The following STIM1 variants were observed in gnomAD, a reference collection of about 807,000 sequenced individuals.
STIM1 encodes stromal interaction molecule 1.
In STIM1, 25 loss-of-function variants were observed where a neutral mutation model predicts 74.7. That is an observed-to-expected ratio of 0.33 (90% CI 0.24 to 0.47). The LOEUF (loss-of-function observed/expected upper bound fraction) is 0.47, where lower values mean the gene tolerates loss of function less well. Among genes scored for constraint, STIM1 ranks in the 20% least tolerant of loss-of-function variants. The pLI, the probability that STIM1 is intolerant of heterozygous loss-of-function variation, is 1.00. For synonymous variants in STIM1, 328 were observed against 348.8 expected (o/e 0.94, Z 0.66); for missense variants, 728 against 920.8 (o/e 0.79, Z 2.71).
intron 2 of STIM1, among the ~76,000 whole-genome samples, chr11:4,014,145 G>A (rs982864055): frequency 6.6e-6 from 1 of 152,124 alleles, no homozygotes; most frequent in Admixed American, 6.6e-5. Context: ...TGATGTTAGG[G>A]TGTCGATTTT....
At chr11:4,022,313 G>A (rs1260857810) in intron 2 of STIM1, among the ~76,000 whole-genome samples, 3 of 142,284 alleles carry the variant, frequency 2.1e-5, no homozygotes, top group Non-Finnish European at 4.5e-5. Context: ...TGCAGCCTGG[G>A]TGACAGAATA....
At position 4,092,863 on chromosome 11, in the gene STIM1, C is replaced by T. The variant is rs574406338; in HGVS notation, c.*1065C>T. ...GTTACTTTGTAGCCTTGGCCAGAGG[C>T]TCAAAAAGGACACAACCAGTTTGGG... On this transcript the variant is annotated 3_prime_UTR_variant, in exon 13 of 13. Transcript: ENST00000526596. 6.6e-6 allele frequency: 1 copy of T among 152,362 alleles called. No homozygotes were observed. The highest frequency in any genetic ancestry group is 2.1e-4 in the South Asian group (1 of 4,822). 9.4% of individuals were successfully genotyped at this position (152,362 alleles called of 1,614,324 possible).
intron 1 of STIM1, among the ~76,000 whole-genome samples, chr11:3,956,875 G>T (rs1221364854): frequency 7.1e-6 from 1 of 141,838 alleles, no homozygotes; most frequent in Non-Finnish European, 1.5e-5. Context: ...AACCTACCTT[G>T]CAAATTAGGG....
intron 5 of STIM1, among the ~76,000 whole-genome samples, chr11:4,062,986 G>A (rs1389648487): frequency 6.6e-6 from 1 of 152,100 alleles, no homozygotes; most frequent in Non-Finnish European, 1.5e-5. Context: ...AACATGCCAA[G>A]TAAAAGAAGC....
chr11:4,023,808 G>A (rs1259122785), intron 2 of STIM1, 65 bp from the exon 3 acceptor site: 26 of 1,232,898 alleles, frequency 2.1e-5, no homozygotes, highest in Non-Finnish European at 2.9e-5. Context: ...CAGGTGACCT[G>A]TGTGGAGATC....
intron 2 of STIM1, chr11:3,989,166 C>A: frequency 8.6e-7 from 1 of 1,166,808 alleles, no homozygotes; most frequent in Non-Finnish European, 1.3e-6. Flanking sequence ...ATTATTCAGA[C>A]TTGGCTTCCT....
chr11:4,039,693 A>G (rs1352091057), intron 3 of STIM1, among the ~76,000 whole-genome samples: 1 of 152,018 alleles, frequency 6.6e-6, no homozygotes, highest in African/African-American at 2.4e-5. Flanking sequence ...TCCATCTGTA[A>G]TCTCAAAATG....
At chr11:3,857,283 G>A (rs969999013) in intron 1 of STIM1, among the ~76,000 whole-genome samples, 1 of 151,632 alleles carries the variant, frequency 6.6e-6, no homozygotes, top group African/African-American at 2.4e-5. Context: ...ACAGGGTCTT[G>A]ATCTGTCGTC....
chr11:4,084,915 G>A (rs555623397), intron 11 of STIM1, 150 bp downstream of exon 11: 15 of 539,546 alleles, frequency 2.8e-5, no homozygotes, highest in Non-Finnish European at 4.5e-5. Context: ...TACAGGGAGG[G>A]GTTCGGGGGT....
intron 7 of STIM1, among the ~76,000 whole-genome samples, chr11:4,081,400 G>A (rs1437112331): frequency 6.6e-6 from 1 of 152,228 alleles, no homozygotes; most frequent in African/African-American, 2.4e-5. Context: ...CTTGGCTTCT[G>A]TTGGCAATGC....
chr11:4,091,659 G>A lies in STIM1; in HGVS notation c.2012G>A (p.Arg671Gln), dbSNP rs769001716. The change falls in exon 13 of 13, where the codon CGA (arginine) becomes CAA (glutamine). Residue 671 changes from arginine to glutamine, a missense_variant. By Grantham distance (43) the Arg-to-Gln change is conservative. Coordinates refer to ENST00000526596, the MANE Select transcript of STIM1 (RefSeq NM_001382567.1). ...VGDSRALQAS[R>Q]NTRIPHLAGK... ...GACAGCCGAGCCCTGCAAGCCAGCCGAAACACACGCATTCCCCACCTGGCT... is the reference window on the plus strand; with the variant it reads ...GACAGCCGAGCCCTGCAAGCCAGCCAAAACACACGCATTCCCCACCTGGCT... 13 of 1,614,068 alleles carry A rather than the reference G, an allele frequency of 8.1e-6. No individual in the cohort carries two copies. Among genetic ancestry groups the A allele is most frequent in the Admixed American group, 6.7e-5 (4 of 60,002 alleles).
chr11:3,994,389 A>G (rs908035396), intron 2 of STIM1, among the ~76,000 whole-genome samples: 1 of 150,872 alleles, frequency 6.6e-6, no homozygotes. Flanking sequence ...TTATGGGTAG[A>G]TTAATGTTTT....
chr11:3,989,092 A>C (rs2093584379), intron 2 of STIM1: 1 of 1,394,108 alleles, frequency 7.2e-7, no homozygotes, highest in Non-Finnish European at 9.8e-7. Flanking sequence ...ATAGTTGATA[A>C]AAATATTCCT....
At chr11:3,972,677 T>C (rs1190557004) in intron 2 of STIM1, among the ~76,000 whole-genome samples, 1 of 152,132 alleles carries the variant, frequency 6.6e-6, no homozygotes, top group East Asian at 1.9e-4. Context: ...GTCTAAAACA[T>C]GTCTTCTTTG....
intron 1 of STIM1, among the ~76,000 whole-genome samples, chr11:3,879,423 TCTA>T (rs1278663733): frequency 6.6e-6 from 1 of 152,248 alleles, no homozygotes; most frequent in Admixed American, 6.5e-5. Context: ...CACCTAATTA[TCTA>T]CTGTTTCACT....
chr11:4,029,151 G>A (rs574930159), intron 3 of STIM1, among the ~76,000 whole-genome samples: 4 of 152,032 alleles, frequency 2.6e-5, no homozygotes, highest in Non-Finnish European at 4.4e-5. Flanking sequence ...TCACGCCATG[G>A]CACTCCAGCC....
chr11:3,929,562 A>G (rs1191814416), intron 1 of STIM1, among the ~76,000 whole-genome samples: 1 of 152,188 alleles, frequency 6.6e-6, no homozygotes, highest in Non-Finnish European at 1.5e-5. Flanking sequence ...CTTATAAATC[A>G]GAGCTGGGAC....
intron 2 of STIM1, among the ~76,000 whole-genome samples, chr11:3,979,827 C>T (rs1302537142): frequency 2.6e-5 from 4 of 152,044 alleles, no homozygotes; most frequent in Admixed American, 6.6e-5. Context: ...TGTTTATTTC[C>T]AGTCCCCTTT....
chr11:3,917,092 G>T (rs2092655218), intron 1 of STIM1, among the ~76,000 whole-genome samples: 1 of 152,228 alleles, frequency 6.6e-6, no homozygotes, highest in South Asian at 2.1e-4. Flanking sequence ...ATGCCAGTCA[G>T]TTGAGTGACA....
Sources: allele counts gnomAD v4.1 joint callset (sites outside exome capture counted in the v4.1 genomes callset), GRCh38; gene constraint gnomAD v4.1.1; transcripts MANE v1.5; gene names NCBI Gene and HGNC (gene_info 2026-07-23, HGNC 2026-07-21).